Variants in RAB3GAP1 observed in about 807,000 individuals in gnomAD.
The protein encoded by RAB3GAP1 is RAB3 GTPase activating protein catalytic subunit 1.
RAB3GAP1 carries 86 observed loss-of-function variants against 130.7 expected under a neutral mutation model. The ratio of observed to expected loss-of-function variants is 0.66; its 90% CI spans 0.55 to 0.79. The LOEUF (loss-of-function observed/expected upper bound fraction) is 0.79, where lower values mean the gene tolerates loss of function less well. Among genes scored for constraint, RAB3GAP1 ranks in the 30% least tolerant of loss-of-function variants. RAB3GAP1 has a pLI of 0.00. For synonymous variants in RAB3GAP1, 367 were observed against 401.7 expected (o/e 0.91, Z 1.03); for missense variants, 1,029 against 1,169.4 (o/e 0.88, Z 1.75).
intron 3 of RAB3GAP1, among the ~76,000 whole-genome samples, chr2:135,080,078 C>T (rs181148755): frequency 1.5e-5 from 2 of 136,212 alleles, no homozygotes; most frequent in Admixed American, 8.3e-5. Flanking sequence ...GATCGCACCA[C>T]AGCACTCCCG....
chr2:135,092,569 T>G (rs1286382632), intron 4 of RAB3GAP1, among the ~76,000 whole-genome samples: 1 of 152,192 alleles, frequency 6.6e-6, no homozygotes, highest in Non-Finnish European at 1.5e-5. Context: ...CCAAAGTTGC[T>G]GGTATTACAG....
chr2:135,160,661 A>G (rs182243287), intron 19 of RAB3GAP1, among the ~76,000 whole-genome samples: 142 of 144,318 alleles, frequency 9.8e-4, no homozygotes, highest in African/African-American at 3.7e-3. Context: ...GCCAACAGAG[A>G]AAGACCCTGT....
At chr2:135,139,369 C>T (rs896333514) in intron 17 of RAB3GAP1, among the ~76,000 whole-genome samples, 4 of 151,754 alleles carry the variant, frequency 2.6e-5, no homozygotes, top group Non-Finnish European at 4.4e-5. Context: ...GACAAAACCC[C>T]GTCTCTACAA....
chr2:135,108,092 T>A (rs1238533907), intron 5 of RAB3GAP1, among the ~76,000 whole-genome samples: 1 of 152,128 alleles, frequency 6.6e-6, no homozygotes, highest in African/African-American at 2.4e-5. Flanking sequence ...TTGTTGTTGT[T>A]ACTTTTGATC....
chr2:135,064,473 C>T (rs1335704738), intron 3 of RAB3GAP1, among the ~76,000 whole-genome samples: 1 of 151,988 alleles, frequency 6.6e-6, no homozygotes, highest in Non-Finnish European at 1.5e-5. Context: ...GTTAAGCCTA[C>T]CTGCTGTATT....
chr2:135,122,383 TC>T (rs1691230880), intron 8 of RAB3GAP1, among the ~76,000 whole-genome samples: 1 of 152,052 alleles, frequency 6.6e-6, no homozygotes, highest in East Asian at 1.9e-4. Context: ...TTTTTTTCCT[TC>T]CAAGGCTACT....
chr2:135,150,159 T>C (rs999920667), intron 17 of RAB3GAP1, among the ~76,000 whole-genome samples: 32 of 152,208 alleles, frequency 2.1e-4, no homozygotes, highest in African/African-American at 6.3e-4. Context: ...TAATCTTATC[T>C]GTGAGGGGGA....
chr2:135,060,562 C>G (rs1689140604), intron 3 of RAB3GAP1, among the ~76,000 whole-genome samples: 1 of 151,278 alleles, frequency 6.6e-6, no homozygotes, highest in Non-Finnish European at 1.5e-5. Context: ...GCCTGGCCAA[C>G]TGCTTGATTT....
At chr2:135,113,082 G>C in intron 5 of RAB3GAP1, 69 bp from the exon 6 acceptor site, 1 of 1,605,846 alleles carries the variant, frequency 6.2e-7, no homozygotes, top group Non-Finnish European at 8.5e-7. Context: ...ATTTTTTTGT[G>C]CTTTTCAAGT....
intron 5 of RAB3GAP1, among the ~76,000 whole-genome samples, chr2:135,111,376 A>C (rs1690797353): frequency 6.6e-6 from 1 of 152,158 alleles, no homozygotes; most frequent in African/African-American, 2.4e-5. Flanking sequence ...GTTTGACTTT[A>C]TTTTCATAAA....
Position 135,091,034 on chromosome 2 carries a change from G to A in RAB3GAP1, c.187G>A (p.Asp63Asn), listed in dbSNP as rs761812063. Residue 63 changes from aspartate (D) to asparagine (N), a missense_variant, in exon 4 of 24, where the codon GAT becomes AAT. This residue lies in a region of RAB3GAP1 where 510 missense variants were observed against 532.1 expected (regional missense o/e 0.96). Coordinates refer to ENST00000264158, the MANE Select transcript of RAB3GAP1 (RefSeq NM_012233.3). The stretch of plus-strand genomic sequence containing the variant: ...TTCTGGCACATGGGAAGAGAAATCA[G>A]ATGAAATTTCCTTTGCTGACTTCAA... ...FTSGTWEEKSDEISFADFKFS... is the reference protein window; with the variant it reads ...FTSGTWEEKSNEISFADFKFS... 1 of 1,612,488 alleles carries A rather than the reference G, an allele frequency of 6.2e-7. No individual in the cohort carries two copies. Among genetic ancestry groups the A allele is most frequent in the Non-Finnish European group, 8.5e-7 (1 of 1,178,772 alleles).
chr2:135,058,773 T>C (rs1434293473), intron 3 of RAB3GAP1: 2 of 152,162 alleles, frequency 1.3e-5, no homozygotes, highest in East Asian at 1.9e-4. Context: ...ATCTAACAAT[T>C]TGATTTTAAG....
At position 135,135,606 on chromosome 2, in the gene RAB3GAP1, G is replaced by A; in HGVS notation, c.1597G>A (p.Gly533Arg). Residue 533 changes from glycine to arginine, a missense_variant, in exon 17 of 24, where the codon GGG becomes AGG. This residue lies in a region of RAB3GAP1 where 373 missense variants were observed against 493.6 expected (regional missense o/e 0.76). Coordinates refer to ENST00000264158, the MANE Select transcript of RAB3GAP1 (RefSeq NM_012233.3). ...TGAAAGAAAGAAGGCACGTGATGAG[G>A]GGAAAAAGACAAGTGCTTCAGATGT... is the stretch of plus-strand genomic sequence containing the variant. The part of the protein sequence containing the change: ...CIERKKARDE[G>R]KKTSASDVTN... 1 of 1,609,052 alleles carries A rather than the reference G, an allele frequency of 6.2e-7. No individual in the cohort carries two copies.
intron 2 of RAB3GAP1, among the ~76,000 whole-genome samples, chr2:135,057,090 G>T (rs980962189): frequency 3.9e-5 from 6 of 152,134 alleles, no homozygotes; most frequent in Non-Finnish European, 1.5e-5. Context: ...TTCATTTACT[G>T]ATGTTGAGCA....
downstream of RAB3GAP1, among the ~76,000 whole-genome samples, chr2:135,173,631 C>T (rs1194756584): frequency 6.6e-6 from 1 of 152,174 alleles, no homozygotes; most frequent in African/African-American, 2.4e-5. Flanking sequence ...CCTTTGCTAG[C>T]AGGGTGGGTG....
At chr2:135,054,466 A>T (rs1228103207) in intron 2 of RAB3GAP1, among the ~76,000 whole-genome samples, 1 of 152,194 alleles carries the variant, frequency 6.6e-6, no homozygotes, top group Non-Finnish European at 1.5e-5. Context: ...AGAAGGGAGG[A>T]TTGTAACATA....
At chr2:135,090,669 A>G (rs1180698838) in intron 3 of RAB3GAP1, among the ~76,000 whole-genome samples, 1 of 152,172 alleles carries the variant, frequency 6.6e-6, no homozygotes, top group Admixed American at 6.5e-5. Context: ...TTATGAAGCA[A>G]TTTCTGGTGT....
At position 135,135,873 on chromosome 2, in the gene RAB3GAP1, C is replaced by T. The variant is rs1691666318; in HGVS notation, c.1864C>T (p.Gln622Ter). ...ANLRPEGRLYQHGKLTLLHNG... is the reference protein window; with the variant it reads ...ANLRPEGRLY ...TTTAAGGCCGGAAGGACGGCTCTAT[C>T]AGCATGGGAAACTTACACTGCTGCA... Residue 622 changes from glutamine to a stop codon, truncating the protein, a stop_gained, in exon 17 of 24, where the codon CAG becomes TAG. Coordinates refer to ENST00000264158, the MANE Select transcript of RAB3GAP1 (RefSeq NM_012233.3). LOFTEE classifies it high-confidence loss of function. The T allele has an allele frequency of 6.2e-7, 1 of 1,614,112 alleles. No homozygotes were observed. Among genetic ancestry groups the T allele is most frequent in the African/African-American group, 1.3e-5 (1 of 75,078 alleles).
intron 23 of RAB3GAP1, among the ~76,000 whole-genome samples, chr2:135,166,492 G>A (rs553915427): frequency 6.6e-6 from 1 of 152,182 alleles, no homozygotes; most frequent in East Asian, 1.9e-4. Flanking sequence ...GGAGCCACAG[G>A]CATGCACCAC....
Sources: allele counts gnomAD v4.1 joint callset (sites outside exome capture counted in the v4.1 genomes callset), GRCh38; gene constraint gnomAD v4.1.1; regional missense constraint gnomAD v4.1.1; transcripts MANE v1.5; gene names NCBI Gene and HGNC (gene_info 2026-07-23, HGNC 2026-07-21).